TAPT1: variants seen among roughly 807,000 people sequenced by gnomAD.
TAPT1 encodes the protein transmembrane anterior posterior transformation protein 1 homolog.
A neutral mutation model predicts 65.6 loss-of-function variants in TAPT1; 28 were observed. The observed-to-expected ratio is 0.43, with a 90% CI of 0.32 to 0.59. The LOEUF is 0.59. TAPT1 is among the 20% of genes least tolerant of loss of function. The probability of loss-of-function intolerance (pLI) is 0.09; values close to 1 mark genes in which losing one functional copy is unlikely to be tolerated. For synonymous variants in TAPT1, 278 were observed against 245.2 expected (o/e 1.13, Z -1.25); for missense variants, 563 against 679.9 (o/e 0.83, Z 1.91).
intron 12 of TAPT1, among the ~76,000 whole-genome samples, chr4:16,169,578 G>A (rs2060462313): frequency 6.6e-6 from 1 of 152,236 alleles, no homozygotes; most frequent in Admixed American, 6.5e-5. Flanking sequence ...ATGCTGTACA[G>A]TGTGATCAGA....
chr4:16,162,875 CTG>C lies in TAPT1; in HGVS notation c.*431_*432del. The C allele has an allele frequency of 1.4e-5, 5 of 369,150 alleles. No homozygotes were observed. Among genetic ancestry groups the C allele is most frequent in the South Asian group, 7.8e-5 (4 of 51,542 alleles). 22.9% of individuals were successfully genotyped at this position (369,150 alleles called of 1,614,324 possible). The stretch of plus-strand genomic sequence containing the variant: ...TGGCAGATGAAGTAACGTTTGAAAA[CTG>C]TTTGTGAAAATAGTATGAGACTGGA... On this transcript the variant is annotated 3_prime_UTR_variant, in exon 14 of 14. Transcript: ENST00000405303.
chr4:16,215,490 C>CACACAT (rs932972668), intron 1 of TAPT1, among the ~76,000 whole-genome samples: 3 of 152,020 alleles, frequency 2.0e-5, no homozygotes, highest in Non-Finnish European at 2.9e-5. Flanking sequence ...TGTGTATGTA[C>CACACAT]ACACATACAC....
intron 1 of TAPT1, 122 bp downstream of exon 1, chr4:16,226,137 G>C (rs1751541512): frequency 9.7e-7 from 1 of 1,029,780 alleles, no homozygotes; most frequent in East Asian, 7.3e-5. Context: ...CACAGCCTGG[G>C]GAGCCCCGGG....
At chr4:16,216,859 T>C (rs1012388125) in intron 1 of TAPT1, among the ~76,000 whole-genome samples, 1 of 152,174 alleles carries the variant, frequency 6.6e-6, no homozygotes, top group African/African-American at 2.4e-5. Flanking sequence ...ATGGTTCTGC[T>C]GAAACCCTTC....
intron 3 of TAPT1, among the ~76,000 whole-genome samples, chr4:16,198,216 A>G (rs868368853): frequency 2.0e-5 from 3 of 152,238 alleles, no homozygotes; most frequent in Admixed American, 6.5e-5. Context: ...GCAAGTTTGC[A>G]GAAGAACTAG....
chr4:16,221,561 T>A (rs1751257987), intron 1 of TAPT1, among the ~76,000 whole-genome samples: 1 of 152,210 alleles, frequency 6.6e-6, no homozygotes, highest in South Asian at 2.1e-4. Flanking sequence ...TTTAATTATC[T>A]TCTAAGAAAG....
chr4:16,223,368 A>G (rs1426087817), intron 1 of TAPT1, among the ~76,000 whole-genome samples: 1 of 152,248 alleles, frequency 6.6e-6, no homozygotes, highest in Non-Finnish European at 1.5e-5. Flanking sequence ...AAGGAACAAC[A>G]GAAGTTGGTA....
intron 3 of TAPT1, among the ~76,000 whole-genome samples, chr4:16,195,503 T>C (rs1354367664): frequency 6.6e-6 from 1 of 152,222 alleles, no homozygotes; most frequent in African/African-American, 2.4e-5. Context: ...TAATATTACA[T>C]CAGGTATTTA....
chr4:16,179,689 A>G lies in TAPT1; in HGVS notation c.917-32T>C, dbSNP rs760520623. 11 of 1,165,128 alleles carry G rather than the reference A, an allele frequency of 9.4e-6. No individual in the cohort carries two copies. The South Asian group carries it at 1.6e-4, about 17-fold the overall frequency. The allele number at this position is 1,165,128 out of a possible 1,614,324, so 72.2% of individuals were successfully genotyped here. ...GAAAAAAAATCAACATAAGTACTGT[A>G]GTGTATATAAACAACATAATAAAGT... On this transcript the variant is annotated intron_variant, in intron 7 of 13. Transcript: ENST00000405303.
At chr4:16,215,264 G>A (rs778810851) in intron 1 of TAPT1, among the ~76,000 whole-genome samples, 3 of 152,014 alleles carry the variant, frequency 2.0e-5, no homozygotes, top group Non-Finnish European at 4.4e-5. Flanking sequence ...GCACTCCAGC[G>A]TAGGTGACAC....
At chr4:16,219,543 C>A (rs1751130250) in intron 1 of TAPT1, among the ~76,000 whole-genome samples, 1 of 152,158 alleles carries the variant, frequency 6.6e-6, no homozygotes, top group Non-Finnish European at 1.5e-5. Context: ...TTAAATGATA[C>A]ACTAAAGAAA....
intron 2 of TAPT1, among the ~76,000 whole-genome samples, chr4:16,211,493 G>A (rs1750651907): frequency 6.6e-6 from 1 of 152,008 alleles, no homozygotes; most frequent in Non-Finnish European, 1.5e-5. Flanking sequence ...TAGAAGTTAA[G>A]AAAAAATGCT....
At chr4:16,194,685 T>C (rs1157482522) in intron 3 of TAPT1, among the ~76,000 whole-genome samples, 3 of 152,160 alleles carry the variant, frequency 2.0e-5, no homozygotes, top group Non-Finnish European at 2.9e-5. Context: ...ATATACGATA[T>C]ACACATATTG....
intron 2 of TAPT1, among the ~76,000 whole-genome samples, chr4:16,207,547 T>C (rs1185408958): frequency 6.6e-6 from 1 of 152,206 alleles, no homozygotes; most frequent in Non-Finnish European, 1.5e-5. Flanking sequence ...ACTCATTCAA[T>C]GAATCATGCA....
intron 3 of TAPT1, among the ~76,000 whole-genome samples, chr4:16,201,117 A>G (rs974715048): frequency 6.6e-6 from 1 of 152,350 alleles, no homozygotes; most frequent in African/African-American, 2.4e-5. Flanking sequence ...CTTGCAAAAC[A>G]AGCATTTTAA....
chr4:16,212,611 G>C (rs1750710142), intron 2 of TAPT1, among the ~76,000 whole-genome samples: 1 of 152,148 alleles, frequency 6.6e-6, no homozygotes, highest in Non-Finnish European at 1.5e-5. Context: ...CTCCTTATCT[G>C]TAAGTCCCTC....
chr4:16,167,482 C>T (rs905705368), intron 12 of TAPT1, among the ~76,000 whole-genome samples: 2 of 152,154 alleles, frequency 1.3e-5, no homozygotes, highest in Non-Finnish European at 2.9e-5. Flanking sequence ...ATCTTTCCGT[C>T]GCTTTCTCTG....
At position 16,166,991 on chromosome 4, in the gene TAPT1, C is replaced by CTTTTTT. The variant is rs5856341; in HGVS notation, c.1314-204_1314-199dup. 2.8e-3 allele frequency: 448 copies of CTTTTTT among 160,532 alleles called. 3 individuals carry two copies. The highest frequency in any genetic ancestry group is 0.01 in the South Asian group (111 of 10,910). 9.9% of individuals were successfully genotyped at this position (160,532 alleles called of 1,614,324 possible). ...AAAAACTTCGGAATTCCTTAGTTCT[C>CTTTTTT]TTTTTTTTTTTTTTTTTTTTTGAGA... On this transcript the variant is annotated intron_variant, in intron 12 of 13. Coordinates refer to ENST00000405303, the MANE Select transcript of TAPT1 (RefSeq NM_153365.3).
chr4:16,220,183 T>C (rs1472853123), intron 1 of TAPT1, among the ~76,000 whole-genome samples: 1 of 152,246 alleles, frequency 6.6e-6, no homozygotes, highest in East Asian at 1.9e-4. Context: ...CCTATAATTT[T>C]GGCTACAGTT....
Sources: allele counts gnomAD v4.1 joint callset (sites outside exome capture counted in the v4.1 genomes callset), GRCh38; gene constraint gnomAD v4.1.1; transcripts MANE v1.5; gene names NCBI Gene and HGNC (gene_info 2026-07-23, HGNC 2026-07-21).